SH3RF2: variants seen among roughly 807,000 people sequenced by gnomAD.
SH3RF2 encodes the protein E3 ubiquitin-protein ligase SH3RF2.
Under a neutral mutation model 59.0 loss-of-function variants are expected in SH3RF2, and 43 were observed. That is an observed-to-expected ratio of 0.73 (90% confidence interval 0.57 to 0.94). The LOEUF (loss-of-function observed/expected upper bound fraction) is 0.94, where lower values mean the gene tolerates loss of function less well. SH3RF2 is among the 40% of genes least tolerant of loss of function. The pLI, the probability that SH3RF2 is intolerant of heterozygous loss-of-function variation, is 0.00. For synonymous variants in SH3RF2, 391 were observed against 391.5 expected, an observed-to-expected ratio of 1.00 and a Z score of 0.01; for missense variants, 930 against 940.1, an observed-to-expected ratio of 0.99 and a Z score of 0.14.
In SH3RF2 at chr5:146,016,236, G is replaced by A. The variant is rs564509419; in HGVS notation, c.1059+2175G>A. On this transcript the variant is annotated intron_variant, in intron 5 of 9. Transcript: ENST00000359120. ...TAAACATCTGTTGAATGCTTGCAAT[G>A]TGCTAGTAACCATAGTGAGTACTGG... Among the ~76,000 whole-genome samples the A allele has an allele frequency of 1.1e-4, 17 of 152,312 alleles. 3 individuals carry two copies. The highest frequency in any genetic ancestry group is 4.1e-4 in the African/African-American group (17 of 41,564).
intron 2 of SH3RF2, among the ~76,000 whole-genome samples, chr5:145,946,420 T>A (rs1406294100): frequency 6.6e-6 from 1 of 152,078 alleles, no homozygotes; most frequent in Non-Finnish European, 1.5e-5. Flanking sequence ...ATAAACACAA[T>A]CATGCCTGTG....
In SH3RF2 at chr5:146,055,340, T is replaced by C. The variant is rs182153560; in HGVS notation, c.1323-641T>C. ...TTGTGTTTTTTTATTTATAAAATAG[T>C]GGCACTAAGAGTACCTAGCTTAGAG... On this transcript the variant is annotated intron_variant, in intron 7 of 9. Transcript: ENST00000359120. 1.1e-3 allele frequency among the ~76,000 whole-genome samples: 167 copies of C among 152,300 alleles called. 1 individual carries two copies. The highest frequency in any genetic ancestry group is 3.9e-3 in the African/African-American group (163 of 41,566).
At chr5:146,074,577 TAA>T (rs57550178) in intron 9 of SH3RF2, among the ~76,000 whole-genome samples, 34,831 of 147,968 alleles carry the variant, frequency 0.24, 4,903 homozygotes, top group Admixed American at 0.34. Context: ...AACTGACATC[TAA>T]AAAAAAAACA....
intron 2 of SH3RF2, among the ~76,000 whole-genome samples, chr5:145,974,954 T>A (rs1038376356): frequency 1.3e-5 from 2 of 152,222 alleles, no homozygotes; most frequent in African/African-American, 4.8e-5. Flanking sequence ...AATCTAGAAC[T>A]GAAGCCTGTG....
intron 2 of SH3RF2, among the ~76,000 whole-genome samples, chr5:145,966,568 T>C (rs1758865063): frequency 1.3e-5 from 2 of 152,226 alleles, no homozygotes; most frequent in African/African-American, 2.4e-5. Flanking sequence ...ACAGGGGTTC[T>C]AGTTCACGAG....
intron 2 of SH3RF2, among the ~76,000 whole-genome samples, chr5:145,956,740 C>T (rs150666836): frequency 6.6e-6 from 1 of 152,278 alleles, no homozygotes; most frequent in African/African-American, 2.4e-5. Flanking sequence ...GACCACAAAT[C>T]TAGAGGTTTC....
intron 2 of SH3RF2, among the ~76,000 whole-genome samples, chr5:145,943,394 T>C (rs963784133): frequency 3.9e-5 from 6 of 152,192 alleles, no homozygotes; most frequent in Admixed American, 6.5e-5. Flanking sequence ...TTACATATCC[T>C]GATTGTGGTA....
intron 2 of SH3RF2, among the ~76,000 whole-genome samples, chr5:145,958,118 A>C (rs1418033976): frequency 6.6e-6 from 1 of 152,020 alleles, no homozygotes; most frequent in African/African-American, 2.4e-5. Context: ...CATCTCAAAA[A>C]AAAAAACAAA....
At chr5:145,985,336 G>A (rs139352612) in intron 2 of SH3RF2, among the ~76,000 whole-genome samples, 86 of 152,308 alleles carry the variant, frequency 5.6e-4, no homozygotes, top group African/African-American at 2.0e-3. Flanking sequence ...AAAAGATGGA[G>A]ATTAATTAAG....
chr5:145,960,110 A>G (rs1404333015), intron 2 of SH3RF2, among the ~76,000 whole-genome samples: 1 of 152,228 alleles, frequency 6.6e-6, no homozygotes, highest in Non-Finnish European at 1.5e-5. Context: ...GCTGAAGTGC[A>G]GTAGTGATCA....
downstream of SH3RF2, among the ~76,000 whole-genome samples, chr5:146,066,318 T>C (rs1406152667): frequency 6.6e-6 from 1 of 152,218 alleles, no homozygotes; most frequent in East Asian, 1.9e-4. Context: ...TACCACTTTC[T>C]GGCCATGGGA....
Position 146,054,691 on chromosome 5 carries a change from A to G in SH3RF2, c.1323-1290A>G, listed in dbSNP as rs184082454. On this transcript the variant is annotated intron_variant, in intron 7 of 9. Transcript: ENST00000359120. ...CTCAGGCAGCACTGACCACAATTAA[A>G]CAATGCCTTACTTATCTTCGTACAA... is the stretch of plus-strand genomic sequence containing the variant. 4.6e-5 allele frequency among the ~76,000 whole-genome samples: 7 copies of G among 152,336 alleles called. No individual in the cohort carries two copies. The East Asian group carries it at 1.3e-3, about 29-fold the overall frequency.
chr5:146,051,826 G>A (rs542852667), intron 7 of SH3RF2, among the ~76,000 whole-genome samples: 4 of 152,206 alleles, frequency 2.6e-5, no homozygotes, highest in Non-Finnish European at 5.9e-5. Flanking sequence ...AACGAGATGA[G>A]ATCATCATGG....
intron 2 of SH3RF2, among the ~76,000 whole-genome samples, chr5:145,993,170 T>A (rs1760019095): frequency 6.6e-6 from 1 of 152,184 alleles, no homozygotes; most frequent in African/African-American, 2.4e-5. Context: ...CTCCTTTGAC[T>A]CTATGTCTCA....
At chr5:146,049,778 G>C (rs187466) in intron 7 of SH3RF2, among the ~76,000 whole-genome samples, 42,953 of 151,834 alleles carry the variant, frequency 0.28, 7,700 homozygotes, top group Non-Finnish European at 0.38. Flanking sequence ...ACCCTGCAGG[G>C]CCTCCTCCCT....
At chr5:145,944,213 A>G (rs563259152) in intron 2 of SH3RF2, among the ~76,000 whole-genome samples, 7 of 152,268 alleles carry the variant, frequency 4.6e-5, no homozygotes, top group African/African-American at 7.2e-5. Context: ...AGATTTTTCA[A>G]TTTGGGATGC....
intron 5 of SH3RF2, among the ~76,000 whole-genome samples, chr5:146,014,481 A>G (rs753158924): frequency 1.3e-5 from 2 of 152,214 alleles, no homozygotes; most frequent in Non-Finnish European, 2.9e-5. Flanking sequence ...AATGTATTAG[A>G]CATCAGATGG....
intron 2 of SH3RF2, chr5:145,997,361 T>A (rs903774329): frequency 5.1e-6 from 6 of 1,183,768 alleles, no homozygotes; most frequent in African/African-American, 4.5e-5. Flanking sequence ...AGTCTAAATA[T>A]GTTGAAGAGC....
downstream of SH3RF2, among the ~76,000 whole-genome samples, chr5:146,066,665 A>G (rs761436877): frequency 6.6e-6 from 1 of 152,158 alleles, no homozygotes; most frequent in East Asian, 1.9e-4. Context: ...AAGTGGTGGG[A>G]AAAAGGGTAT....
Sources: allele counts gnomAD v4.1 joint callset (sites outside exome capture counted in the v4.1 genomes callset), GRCh38; gene constraint gnomAD v4.1.1; transcripts MANE v1.5; gene names NCBI Gene and HGNC (gene_info 2026-07-23, HGNC 2026-07-21).